The following MAD1L1 variants were observed in gnomAD, a reference collection of about 807,000 sequenced individuals.
MAD1L1 encodes the protein mitotic arrest deficient 1 like 1.
Under a neutral mutation model 96.9 loss-of-function variants are expected in MAD1L1, and 95 were observed. The ratio of observed to expected loss-of-function variants is 0.98; its 90% CI spans 0.83 to 1.16. The LOEUF is 1.16. Among genes scored for constraint, MAD1L1 ranks in the 50% most tolerant of loss-of-function variants. The pLI, the probability that MAD1L1 is intolerant of heterozygous loss-of-function variation, is 0.00. For missense variants in MAD1L1, 1,007 were observed against 954.4 expected (o/e 1.06, Z -0.73); for synonymous variants, 473 against 396.6 (o/e 1.19, Z -2.29).
intron 10 of MAD1L1, among the ~76,000 whole-genome samples, chr7:2,181,269 T>C (rs1791185976): frequency 1.3e-5 from 2 of 152,290 alleles, no homozygotes; most frequent in Admixed American, 6.5e-5. Context: ...TTCTCTGCCC[T>C]TGCCAGGGCT....
At chr7:1,941,756 C>G (rs1779010865) in intron 16 of MAD1L1, among the ~76,000 whole-genome samples, 1 of 152,236 alleles carries the variant, frequency 6.6e-6, no homozygotes, top group African/African-American at 2.4e-5. Flanking sequence ...GCACCTGCGG[C>G]TGGGGCTGGA....
chr7:1,972,118 C>T (rs1283782405), intron 15 of MAD1L1, among the ~76,000 whole-genome samples: 1 of 152,218 alleles, frequency 6.6e-6, no homozygotes, highest in Non-Finnish European at 1.5e-5. Context: ...TCCATGTCTA[C>T]TCCCACGTGA....
chr7:2,133,741 T>G (rs1788624310), intron 11 of MAD1L1, among the ~76,000 whole-genome samples: 2 of 152,204 alleles, frequency 1.3e-5, no homozygotes, highest in African/African-American at 4.8e-5. Flanking sequence ...AAGGTCTGTG[T>G]CTAGATTTTT....
rs563365982 is a variant in MAD1L1, at chr7:1,987,990, C to T, written c.1417-7449G>A. On this transcript the variant is annotated intron_variant, in intron 14 of 18. Coordinates refer to ENST00000265854, the MANE Select transcript of MAD1L1 (RefSeq NM_001013836.2). ...CTGAGCTGGCAGGAAGTCAGGCAGG[C>T]CCCTAGGAGGCATCCTCACCGAGGA... 2.3e-4 allele frequency among the ~76,000 whole-genome samples: 35 copies of T among 152,146 alleles called. No homozygotes were observed. In the South Asian group the frequency reaches 7.0e-3, roughly 31 times the overall value.
intron 15 of MAD1L1, among the ~76,000 whole-genome samples, chr7:1,960,835 C>T (rs548695272): frequency 5.3e-5 from 8 of 152,176 alleles, no homozygotes; most frequent in Non-Finnish European, 1.0e-4. Flanking sequence ...GAGCAGGAGA[C>T]CCAGTCTTTT....
chr7:1,873,318 G>A (rs1583619639), intron 18 of MAD1L1, among the ~76,000 whole-genome samples: 1 of 152,332 alleles, frequency 6.6e-6, no homozygotes, highest in East Asian at 1.9e-4. Flanking sequence ...ATGGGCTAGA[G>A]AGCGCCAGCC....
chr7:2,225,895 T>A (rs925037091), intron 3 of MAD1L1, among the ~76,000 whole-genome samples: 1 of 152,202 alleles, frequency 6.6e-6, no homozygotes, highest in Non-Finnish European at 1.5e-5. Flanking sequence ...TCTCCCAGAC[T>A]AAAAATCAAT....
chr7:2,115,525 C>T (rs1787636112), intron 11 of MAD1L1, among the ~76,000 whole-genome samples: 1 of 150,660 alleles, frequency 6.6e-6, no homozygotes, highest in South Asian at 2.1e-4. Flanking sequence ...ACAGGGTCCC[C>T]GCATGTTCCG....
At chr7:2,047,901 C>G (rs1378766317) in intron 12 of MAD1L1, among the ~76,000 whole-genome samples, 2 of 152,248 alleles carry the variant, frequency 1.3e-5, no homozygotes, top group East Asian at 3.9e-4. Context: ...TACATGCACA[C>G]TCATGCTCAA....
At chr7:1,976,930 G>A (rs56297951) in intron 15 of MAD1L1, among the ~76,000 whole-genome samples, 5,170 of 152,336 alleles carry the variant, frequency 0.034, 188 homozygotes, top group Admixed American at 0.097. Flanking sequence ...ACAGAGCACT[G>A]ACTGGTGCGT....
intron 10 of MAD1L1, among the ~76,000 whole-genome samples, chr7:2,182,849 G>T (rs938184705): frequency 6.6e-6 from 1 of 152,170 alleles, no homozygotes. Context: ...TGGGGACCAT[G>T]ACAATCTTCT....
chr7:2,145,195 C>G (rs1181904034), intron 11 of MAD1L1, among the ~76,000 whole-genome samples: 1 of 152,214 alleles, frequency 6.6e-6, no homozygotes, highest in Admixed American at 6.5e-5. Context: ...GCACCAGGCA[C>G]GTTACCAACG....
chr7:2,137,478 G>T (rs2128572123), intron 11 of MAD1L1, among the ~76,000 whole-genome samples: 1 of 152,278 alleles, frequency 6.6e-6, no homozygotes, highest in South Asian at 2.1e-4. Context: ...TTACCGGTCT[G>T]CTTGGCCCAT....
intron 11 of MAD1L1, chr7:2,109,450 T>C (rs984515924): frequency 6.6e-6 from 1 of 152,200 alleles, no homozygotes; most frequent in Admixed American, 6.5e-5. Context: ...CCAAGGACTC[T>C]GTCATTTCAA....
chr7:1,836,068 C>T (rs895805337), intron 18 of MAD1L1, among the ~76,000 whole-genome samples: 4 of 152,210 alleles, frequency 2.6e-5, no homozygotes, highest in Non-Finnish European at 5.9e-5. Context: ...GCCGCCCAGG[C>T]TGGAGTGCAG....
At chr7:2,018,612 GAGGC>G (rs1194330469) in intron 12 of MAD1L1, among the ~76,000 whole-genome samples, 4 of 152,210 alleles carry the variant, frequency 2.6e-5, no homozygotes, top group Admixed American at 2.6e-4. Flanking sequence ...GGGGCTGTGT[GAGGC>G]AGGCAGGCAG....
chr7:2,038,136 A>G (rs778130932), intron 12 of MAD1L1, among the ~76,000 whole-genome samples: 7 of 152,238 alleles, frequency 4.6e-5, no homozygotes, highest in Admixed American at 2.0e-4. Flanking sequence ...CAGCCCCAAC[A>G]TTCCCTTAAG....
At chr7:1,974,892 G>C (rs565631683) in intron 15 of MAD1L1, among the ~76,000 whole-genome samples, 14 of 152,374 alleles carry the variant, frequency 9.2e-5, no homozygotes, top group Admixed American at 7.8e-4. Flanking sequence ...CTTTCGGAGA[G>C]AAAGAAGCAG....
intron 18 of MAD1L1, among the ~76,000 whole-genome samples, chr7:1,895,842 G>A (rs1019590099): frequency 4.6e-5 from 7 of 152,268 alleles, no homozygotes; most frequent in Non-Finnish European, 5.9e-5. Context: ...AGGACAGGCC[G>A]TGGTCCAGAA....
Sources: gnomAD v4.1 joint callset for allele counts (sites outside exome capture counted in the v4.1 genomes callset) on GRCh38, gnomAD v4.1.1 for gene constraint, MANE v1.5 for transcripts, NCBI Gene and HGNC (gene_info 2026-07-23, HGNC 2026-07-21) for gene names.